The following PCDHA10 variants were observed in gnomAD, a reference collection of about 807,000 sequenced individuals.
PCDHA10 encodes the protein protocadherin alpha-10.
A neutral mutation model predicts 61.2 loss-of-function variants in PCDHA10; 45 were observed. The ratio of observed to expected loss-of-function variants is 0.74; its 90% CI spans 0.58 to 0.94. The LOEUF is 0.94. Among genes scored for constraint, PCDHA10 ranks in the 40% least tolerant of loss-of-function variants. The pLI is 0.00. For synonymous variants in PCDHA10, 602 were observed against 548.8 expected (o/e 1.10, Z -1.35); for missense variants, 1,278 against 1,236.2 (o/e 1.03, Z -0.51).
intron 3 of PCDHA10, among the ~76,000 whole-genome samples, chr5:140,996,335 T>G (rs887353118): frequency 1.3e-5 from 2 of 152,202 alleles, no homozygotes; most frequent in African/African-American, 4.8e-5. Flanking sequence ...AAGAAAAGTT[T>G]GAAAACCCAA....
At chr5:140,888,222 G>T (rs956304839) in intron 1 of PCDHA10, among the ~76,000 whole-genome samples, 1 of 152,168 alleles carries the variant, frequency 6.6e-6, no homozygotes, top group African/African-American at 2.4e-5. Flanking sequence ...GTGTGTGTGT[G>T]CATGTGTGTG....
In PCDHA10 at chr5:141,011,598, G is replaced by A. The variant is rs530366689; in HGVS notation, c.*1661G>A. ...TTAAATCAAGATACTGGTGATTCAA[G>A]GAATTTTATTTATGGTCCAGCCAAG... On this transcript the variant is annotated 3_prime_UTR_variant, in exon 4 of 4. Transcript: ENST00000307360. 6.5e-6 allele frequency: 1 copy of A among 153,736 alleles called. No homozygotes were observed. Among genetic ancestry groups the A allele is most frequent in the Non-Finnish European group, 1.5e-5 (1 of 68,012 alleles). The allele number at this position is 153,736 out of a possible 1,614,324, so 9.5% of individuals were successfully genotyped here.
chr5:140,927,980 G>A, intron 1 of PCDHA10: 2 of 1,614,220 alleles, frequency 1.2e-6, no homozygotes, highest in Non-Finnish European at 1.7e-6. Flanking sequence ...GCTCTCTTTA[G>A]TGTAAAGGAT....
intron 1 of PCDHA10, chr5:140,871,327 C>T (rs782093100): frequency 6.2e-6 from 10 of 1,613,984 alleles, no homozygotes; most frequent in East Asian, 4.5e-5. Context: ...GGTGTGCTCC[C>T]GCGCGGTGGG....
At chr5:140,921,777 C>G (rs1434211783) in intron 1 of PCDHA10, among the ~76,000 whole-genome samples, 1 of 152,030 alleles carries the variant, frequency 6.6e-6, no homozygotes, top group Non-Finnish European at 1.5e-5. Flanking sequence ...TCAATACTGA[C>G]TTGGATGTTC....
rs782810123 is a variant in PCDHA10, at chr5:140,876,271, T to C, written c.2388+17835T>C. 1.9e-6 allele frequency: 3 copies of C among 1,613,926 alleles called. No individual in the cohort carries two copies. In the African/African-American group the frequency reaches 4.0e-5, roughly 22 times the overall value. On this transcript the variant is annotated intron_variant, in intron 1 of 3. Coordinates refer to ENST00000307360, the MANE Select transcript of PCDHA10 (RefSeq NM_018901.4). ...CACAAGAGTGATCCAACTAAATGCTTCCGATCCAGACGAAGGACTTAATGG... is the reference window on the plus strand; with the variant it reads ...CACAAGAGTGATCCAACTAAATGCTCCCGATCCAGACGAAGGACTTAATGG...
rs144244943 is a variant in PCDHA10, at chr5:140,856,987, C to G, written c.939C>G (p.Asn313Lys). The G allele has an allele frequency of 6.3e-7, 1 of 1,595,238 alleles. No homozygotes were observed. The highest frequency in any genetic ancestry group is 8.6e-7 in the Non-Finnish European group (1 of 1,165,090). Residue 313 changes from asparagine (N) to lysine (K), a missense_variant, in exon 1 of 4, where the codon AAC (asparagine) becomes AAG (lysine). Coordinates refer to ENST00000307360, the MANE Select transcript of PCDHA10 (RefSeq NM_018901.4). The part of the protein sequence containing the change: ...VNDAIDFEDS[N>K]TYEIHVDVTD... ...ATGCTATTGACTTTGAGGACAGTAA[C>G]ACTTATGAAATTCATGTAGATGTTA...
Position 140,969,197 on chromosome 5 carries a change from A to G in PCDHA10, c.2389-9752A>G, listed in dbSNP as rs782342139. 4 of 1,614,132 alleles carry G rather than the reference A, an allele frequency of 2.5e-6. No individual in the cohort carries two copies. In the South Asian group the frequency reaches 4.4e-5, roughly 18 times the overall value. On this transcript the variant is annotated intron_variant, in intron 1 of 3. Coordinates refer to ENST00000307360, the MANE Select transcript of PCDHA10 (RefSeq NM_018901.4). ...GAGTGACACTTTCATGTTTTACAAT[A>G]CAGGGGCCCAGACAGGACCAGGGCC...
intron 1 of PCDHA10, among the ~76,000 whole-genome samples, chr5:140,936,282 T>C (rs781971653): frequency 6.6e-6 from 1 of 152,250 alleles, no homozygotes; most frequent in Non-Finnish European, 1.5e-5. Context: ...CTGTGTTTTC[T>C]TCTATAACAT....
chr5:140,884,797 T>A, intron 1 of PCDHA10: 1 of 1,276,990 alleles, frequency 7.8e-7, no homozygotes, highest in Non-Finnish European at 1.1e-6. Flanking sequence ...TTATCGAATT[T>A]AACAACTCTG....
intron 3 of PCDHA10, among the ~76,000 whole-genome samples, chr5:141,006,067 A>T (rs1202024176): frequency 3.3e-5 from 5 of 151,950 alleles, no homozygotes; most frequent in African/African-American, 1.2e-4. Context: ...AGAAATAAAA[A>T]TCAGATTATT....
At chr5:140,877,259 C>G in intron 1 of PCDHA10, 1 of 1,613,752 alleles carries the variant, frequency 6.2e-7, no homozygotes, top group Non-Finnish European at 8.5e-7. Flanking sequence ...AAAGTGCGCG[C>G]GGTGGACGCT....
chr5:140,882,265 T>A (rs782012488), intron 1 of PCDHA10: 2 of 1,609,948 alleles, frequency 1.2e-6, no homozygotes, highest in African/African-American at 2.7e-5. Flanking sequence ...TTTTGGAGTG[T>A]ACCATGCTGT....
At chr5:140,948,897 T>G (rs1487067374) in intron 1 of PCDHA10, among the ~76,000 whole-genome samples, 4 of 151,680 alleles carry the variant, frequency 2.6e-5, no homozygotes, top group Non-Finnish European at 5.9e-5. Flanking sequence ...AGATTTTAAG[T>G]GGATTCTTAG....
chr5:140,941,259 T>TTC (rs1340815463), intron 1 of PCDHA10, among the ~76,000 whole-genome samples: 28 of 121,830 alleles, frequency 2.3e-4, no homozygotes, highest in East Asian at 1.1e-3. Flanking sequence ...TTCTTTCTCT[T>TTC]TCTTTCTTTC....
chr5:140,905,880 A>C (rs1485985374), intron 1 of PCDHA10, among the ~76,000 whole-genome samples: 1 of 152,172 alleles, frequency 6.6e-6, no homozygotes, highest in Non-Finnish European at 1.5e-5. Context: ...AGGCCCAACA[A>C]TAGGCCATCT....
chr5:140,933,653 G>GTC (rs1245688430), intron 1 of PCDHA10, among the ~76,000 whole-genome samples: 13 of 151,864 alleles, frequency 8.6e-5, no homozygotes, highest in African/African-American at 2.7e-4. Flanking sequence ...TGGAAATCCT[G>GTC]TCTCTCTCTC....
chr5:140,869,279 T>C, intron 1 of PCDHA10: 1 of 1,613,596 alleles, frequency 6.2e-7, no homozygotes, highest in Non-Finnish European at 8.5e-7. Context: ...CTGGCGGAGC[T>C]GGTGCAGCGC....
intron 1 of PCDHA10, chr5:140,882,615 T>A (rs1554174850): frequency 6.2e-7 from 1 of 1,614,020 alleles, no homozygotes; most frequent in South Asian, 1.1e-5. Flanking sequence ...CCTCTGCAGG[T>A]TTTCCATGTG....
Sources: allele counts gnomAD v4.1 joint callset (sites outside exome capture counted in the v4.1 genomes callset), GRCh38; gene constraint gnomAD v4.1.1; transcripts MANE v1.5; gene names NCBI Gene and HGNC (gene_info 2026-07-23, HGNC 2026-07-21).